The following RMND5B variants were observed in gnomAD, a reference collection of about 807,000 sequenced individuals.
RMND5B encodes the protein required for meiotic nuclear division 5 homolog B, also known as E3 ubiquitin-protein transferase RMND5B.
In RMND5B, 42 loss-of-function variants were observed where a neutral mutation model predicts 50.4. That is an observed-to-expected ratio of 0.83 (90% CI 0.65 to 1.08). The LOEUF (loss-of-function observed/expected upper bound fraction) is 1.08. RMND5B is among the 50% of genes least tolerant of loss of function. The pLI is 0.00. For missense variants in RMND5B, 463 were observed against 508.5 expected (o/e 0.91, Z 0.86); for synonymous variants, 220 against 210.0 (o/e 1.05, Z -0.41).
rs764728499 is a variant in RMND5B at position 178,142,997 on chromosome 5, A to G, written c.426+5A>G. 1 of 1,609,744 alleles carries G rather than the reference A, an allele frequency of 6.2e-7. No homozygotes were observed. The highest frequency in any genetic ancestry group is 8.5e-7 in the Non-Finnish European group (1 of 1,177,138). On this transcript the variant is annotated splice_donor_5th_base_variant and intron_variant, in intron 5 of 10. Coordinates refer to ENST00000313386, the MANE Select transcript of RMND5B (RefSeq NM_022762.5). ...GTGGCCGAGGAGCTGTGCCAGGTAC[A>G]GTCGGGCTGGGCGGGCGCAACAACC...
chr5:178,138,417 A>G lies in RMND5B; in HGVS notation c.139+159A>G. On this transcript the variant is annotated intron_variant, in intron 3 of 10. Coordinates refer to ENST00000313386, the MANE Select transcript of RMND5B (RefSeq NM_022762.5). This position sits in a 1 kb window ranked among gnomAD's most constrained non-coding sequence, Gnocchi z 5.1. ...ACCGGGTAATGACAGTCTCTGAGCTACTTCAAAAAGCCCAACAAATTATTA... is the reference window on the plus strand; with the variant it reads ...ACCGGGTAATGACAGTCTCTGAGCTGCTTCAAAAAGCCCAACAAATTATTA... The G allele has an allele frequency of 7.2e-7, 1 of 1,391,174 alleles. No individual in the cohort carries two copies. Among genetic ancestry groups the G allele is most frequent in the Non-Finnish European group, 9.3e-7 (1 of 1,076,864 alleles). The allele number at this position is 1,391,174 out of a possible 1,614,324, so 86.2% of individuals were successfully genotyped here.
intron 2 of RMND5B, among the ~76,000 whole-genome samples, 190 bp downstream of exon 2, chr5:178,131,566 T>G: frequency 8.3e-6 from 1 of 121,020 alleles, no homozygotes; most frequent in Non-Finnish European, 1.7e-5. Context: ...CAAGTAGGAC[T>G]GTATAGTAAA....
At chr5:178,142,364 G>A (rs751983492) in intron 3 of RMND5B, 3 of 542,286 alleles carry the variant, frequency 5.5e-6, no homozygotes, top group Non-Finnish European at 9.7e-6. Flanking sequence ...ATGAGGAAAT[G>A]AAGGCTCCCA....
chr5:178,139,458 C>T (rs142995403), intron 3 of RMND5B, among the ~76,000 whole-genome samples: 2,711 of 151,754 alleles, frequency 0.018, 42 homozygotes, highest in East Asian at 0.086. Context: ...CTGCCTGCCT[C>T]GGTCTCCCAA....
chr5:178,132,692 C>CCA (rs1758380497), intron 2 of RMND5B, among the ~76,000 whole-genome samples: 1 of 145,278 alleles, frequency 6.9e-6, no homozygotes, highest in African/African-American at 2.6e-5. Flanking sequence ...CCTGATTGTA[C>CCA]CACAGCACTC....
chr5:178,145,507 A>C (rs540140775), intron 7 of RMND5B, among the ~76,000 whole-genome samples: 174 of 150,558 alleles, frequency 1.2e-3, no homozygotes, highest in African/African-American at 4.0e-3. Context: ...AAAAAAAAAA[A>C]CACACAAAAA....
rs769112584 is a variant in RMND5B, at chr5:178,147,836, C to T, written c.1071C>T (p.Gly357=). Residue 357 remains glycine (G), a synonymous_variant, in exon 10 of 11, where the codon GGC becomes GGT. Coordinates refer to ENST00000313386, the MANE Select transcript of RMND5B (RefSeq NM_022762.5). The part of the protein sequence containing the change: ...DSNPPIKLIC[G]HVISRDALNK... ...ACCCTCCCATCAAGCTCATCTGTGG[C>T]CATGTTATCTCCCGAGATGCACTCA... is the stretch of plus-strand genomic sequence containing the variant. The T allele has an allele frequency of 6.2e-6, 10 of 1,614,026 alleles. No individual in the cohort carries two copies. In the East Asian group the frequency reaches 2.2e-4, roughly 36 times the overall value.
At chr5:178,139,032 C>G (rs1217735990) in intron 3 of RMND5B, among the ~76,000 whole-genome samples, 2 of 152,124 alleles carry the variant, frequency 1.3e-5, no homozygotes, top group South Asian at 2.1e-4. Context: ...AAAACCCTGT[C>G]TCTACTAAAA....
At chr5:178,139,027 C>T (rs1758771084) in intron 3 of RMND5B, among the ~76,000 whole-genome samples, 2 of 152,096 alleles carry the variant, frequency 1.3e-5, no homozygotes, top group Admixed American at 1.3e-4. Flanking sequence ...ATGGCAAAAC[C>T]CTGTCTCTAC....
At position 178,150,189 on chromosome 5, in the gene RMND5B, C is replaced by G. The variant is rs916826930; in HGVS notation, c.*2157C>G. ...CCCTCTGAGCCTAAACCCACCTAACCGGACTAACATGGGTGAAGCATCTTA... is the reference window on the plus strand; with the variant it reads ...CCCTCTGAGCCTAAACCCACCTAACGGGACTAACATGGGTGAAGCATCTTA... On this transcript the variant is annotated 3_prime_UTR_variant, in exon 11 of 11. Coordinates refer to ENST00000313386, the MANE Select transcript of RMND5B (RefSeq NM_022762.5). The G allele has an allele frequency of 4.2e-6, 1 of 237,562 alleles. No homozygotes were observed. Among genetic ancestry groups the G allele is most frequent in the Non-Finnish European group, 8.4e-6 (1 of 119,330 alleles). The allele number at this position is 237,562 out of a possible 1,614,324, so 14.7% of individuals were successfully genotyped here. A position where few individuals can be genotyped will look rare whatever the true frequency, so the allele number is the denominator to read the frequency against.
chr5:178,145,816 T>C (rs1755971656), intron 7 of RMND5B, among the ~76,000 whole-genome samples: 1 of 152,218 alleles, frequency 6.6e-6, no homozygotes, highest in Non-Finnish European at 1.5e-5. Flanking sequence ...CCTGAGGACT[T>C]ATTTGATCCT....
At position 178,147,813 on chromosome 5, in the gene RMND5B, C is replaced by T; in HGVS notation, c.1048C>T (p.Pro350Ser). The T allele has an allele frequency of 6.2e-7, 1 of 1,614,154 alleles. No individual in the cohort carries two copies. Among genetic ancestry groups the T allele is most frequent in the Non-Finnish European group, 8.5e-7 (1 of 1,180,014 alleles). Residue 350 changes from proline to serine, a missense_variant, in exon 10 of 11, where the codon CCT becomes TCT. By Grantham distance (74) the Pro-to-Ser change is moderately conservative. Transcript: ENST00000313386. Reference sequence around the variant, plus strand: ...CCGCCAGCAGACGTCAGATTCCAACCCTCCCATCAAGCTCATCTGTGGCCA... The same window carrying T: ...CCGCCAGCAGACGTCAGATTCCAACTCTCCCATCAAGCTCATCTGTGGCCA... ...ILRQQTSDSN[P>S]PIKLICGHVI...
At chr5:178,144,353 A>G (rs890742372) in intron 7 of RMND5B, among the ~76,000 whole-genome samples, 1 of 151,900 alleles carries the variant, frequency 6.6e-6, no homozygotes, top group Non-Finnish European at 1.5e-5. Context: ...CGTGCCTGCT[A>G]TGCGCCACAC....
intron 8 of RMND5B, 45 bp downstream of exon 8, chr5:178,146,324 A>T (rs1300434394): frequency 1.3e-6 from 2 of 1,579,590 alleles, no homozygotes; most frequent in South Asian, 1.1e-5. Flanking sequence ...GAGGGTAGAG[A>T]GGTAATCATC....
In RMND5B at chr5:178,149,643, G is replaced by C; in HGVS notation, c.*1611G>C. 1 of 1,603,222 alleles carries C rather than the reference G, an allele frequency of 6.2e-7. No individual in the cohort carries two copies. The highest frequency in any genetic ancestry group is 8.5e-7 in the Non-Finnish European group (1 of 1,174,130). On this transcript the variant is annotated 3_prime_UTR_variant, in exon 11 of 11. Transcript: ENST00000313386. ...ATGCCGTCAGTGTGGGTGGGCAGGA[G>C]GACAGCCAGTCGTCCTGCTGCCAGC...
chr5:178,145,415 A>C (rs568253841), intron 7 of RMND5B, among the ~76,000 whole-genome samples: 127 of 151,184 alleles, frequency 8.4e-4, no homozygotes, highest in African/African-American at 2.9e-3. Flanking sequence ...GAACCCGGGA[A>C]GCGGAGGCTG....
chr5:178,146,122 GTGA>G lies in RMND5B; in HGVS notation c.709_711del (p.Met237del), dbSNP rs1160443431. On this transcript the variant is annotated inframe_deletion, in exon 8 of 11. Coordinates refer to ENST00000313386, the MANE Select transcript of RMND5B (RefSeq NM_022762.5). Reference sequence around the variant, plus strand: ...CTCTGGTTGCCTTGTAGAGATCCAGGTGATGATGGGCAGCCTGGTGTACCTGCG... The same window carrying G: ...CTCTGGTTGCCTTGTAGAGATCCAGGTGATGGGCAGCCTGGTGTACCTGCG... 6.2e-7 allele frequency: 1 copy of G among 1,614,092 alleles called. No individual in the cohort carries two copies. The highest frequency in any genetic ancestry group is 2.2e-5 in the East Asian group (1 of 44,886).
At chr5:178,143,400 G>A (rs551551774) in intron 5 of RMND5B, among the ~76,000 whole-genome samples, 15 of 145,988 alleles carry the variant, frequency 1.0e-4, no homozygotes, top group Non-Finnish European at 1.9e-4. Context: ...CTACGGTTGT[G>A]GGGTGGGGTC....
At chr5:178,145,860 G>T (rs1280048679) in intron 7 of RMND5B, 1 of 452,348 alleles carries the variant, frequency 2.2e-6, no homozygotes, top group East Asian at 3.4e-5. Flanking sequence ...AACTGGAAAA[G>T]AACTGTCCTC....
Sources: allele counts gnomAD v4.1 joint callset (sites outside exome capture counted in the v4.1 genomes callset), GRCh38; gene constraint gnomAD v4.1.1; non-coding constraint Gnocchi (gnomAD v3.1); transcripts MANE v1.5; gene names NCBI Gene and HGNC (gene_info 2026-07-23, HGNC 2026-07-21).